SIPA1L1: variants seen among roughly 807,000 people sequenced by gnomAD.
SIPA1L1 encodes signal induced proliferation associated 1 like 1.
Under a neutral mutation model 162.7 loss-of-function variants are expected in SIPA1L1, and 26 were observed. That is an observed-to-expected ratio of 0.16 (90% CI 0.12 to 0.22). The LOEUF is 0.22. Among genes scored for constraint, SIPA1L1 ranks in the 10% least tolerant of loss-of-function variants. The probability of loss-of-function intolerance (pLI) is 1.00; values close to 1 mark genes in which losing one functional copy is unlikely to be tolerated. For synonymous variants in SIPA1L1, 829 were observed against 837.4 expected, an observed-to-expected ratio of 0.99 and a Z score of 0.17; for missense variants, 1,874 against 2,241.0, an observed-to-expected ratio of 0.84 and a Z score of 3.31.
At chr14:71,463,857 C>T (rs2046788123) in intron 2 of SIPA1L1, among the ~76,000 whole-genome samples, 1 of 152,220 alleles carries the variant, frequency 6.6e-6, no homozygotes, top group African/African-American at 2.4e-5. Flanking sequence ...TGCCAGAGCT[C>T]TACAGGAGTC....
intron 2 of SIPA1L1, among the ~76,000 whole-genome samples, chr14:71,488,158 G>A (rs1053989393): frequency 2.6e-5 from 4 of 152,216 alleles, no homozygotes; most frequent in Non-Finnish European, 2.9e-5. Context: ...TAGGCGTGGT[G>A]GAGGGGGCCA....
intron 4 of SIPA1L1, among the ~76,000 whole-genome samples, chr14:71,547,736 C>G (rs2055374872): frequency 6.6e-6 from 1 of 152,186 alleles, no homozygotes; most frequent in Non-Finnish European, 1.5e-5. Flanking sequence ...TGCTACTGTA[C>G]CCAGAGCAGA....
At chr14:71,586,203 C>T (rs1160901064) in intron 4 of SIPA1L1, 1 of 152,062 alleles carries the variant, frequency 6.6e-6, no homozygotes, top group Non-Finnish European at 1.5e-5. Context: ...TCGCCTCACC[C>T]TGCATTCTGC....
intron 5 of SIPA1L1, among the ~76,000 whole-genome samples, chr14:71,604,001 A>AAT (rs2037170143): frequency 1.4e-5 from 2 of 140,352 alleles, no homozygotes; most frequent in African/African-American, 5.2e-5. Flanking sequence ...ATATATATAA[A>AAT]TTTTTTTTTT....
intron 2 of SIPA1L1, among the ~76,000 whole-genome samples, chr14:71,390,539 G>C (rs1371881208): frequency 5.9e-5 from 9 of 152,112 alleles, no homozygotes; most frequent in Non-Finnish European, 1.2e-4. Context: ...ACTTTGGGAG[G>C]CCAAGGGAGG....
chr14:71,531,537 CT>C (rs930932193), intron 4 of SIPA1L1, among the ~76,000 whole-genome samples: 3 of 151,578 alleles, frequency 2.0e-5, no homozygotes, highest in Non-Finnish European at 2.9e-5. Context: ...TGAAATGTAT[CT>C]TTTTTTTGTT....
At chr14:71,562,643 G>A (rs2056888433) in intron 4 of SIPA1L1, among the ~76,000 whole-genome samples, 1 of 152,108 alleles carries the variant, frequency 6.6e-6, no homozygotes, top group Non-Finnish European at 1.5e-5. Context: ...TTTATTTCAT[G>A]TTTTGTTATT....
intron 4 of SIPA1L1, among the ~76,000 whole-genome samples, chr14:71,533,858 A>G (rs551252539): frequency 9.2e-5 from 14 of 152,286 alleles, no homozygotes; most frequent in Admixed American, 6.5e-4. Flanking sequence ...AAAATTCCTC[A>G]TTAGGTGGGT....
intron 2 of SIPA1L1, among the ~76,000 whole-genome samples, chr14:71,446,894 G>GGTTTTTTTTTT (rs2045394010): frequency 2.3e-5 from 2 of 87,406 alleles, no homozygotes; most frequent in Admixed American, 1.6e-4. Flanking sequence ...GATGGGCTCT[G>GGTTTTTTTTTT]TTTTTTTTTT....
At chr14:71,516,779 C>G (rs969190530) in intron 3 of SIPA1L1, among the ~76,000 whole-genome samples, 1 of 151,758 alleles carries the variant, frequency 6.6e-6, no homozygotes, top group East Asian at 1.9e-4. Context: ...TTGAGACCAG[C>G]CTGGCCAACA....
At chr14:71,496,628 G>T (rs921991434) in intron 2 of SIPA1L1, among the ~76,000 whole-genome samples, 2 of 152,162 alleles carry the variant, frequency 1.3e-5, no homozygotes, top group African/African-American at 4.8e-5. Flanking sequence ...TAATTATACT[G>T]TCTAGTGTTT....
At chr14:71,639,898 GTTTTTTT>G (rs2041534105) in intron 7 of SIPA1L1, among the ~76,000 whole-genome samples, 2 of 92,438 alleles carry the variant, frequency 2.2e-5, no homozygotes, top group Non-Finnish European at 3.1e-5. Flanking sequence ...GACTTTTTGG[GTTTTTTT>G]GTTTTTTTGT....
intron 2 of SIPA1L1, among the ~76,000 whole-genome samples, chr14:71,495,031 C>G (rs780927646): frequency 1.3e-5 from 2 of 152,198 alleles, no homozygotes; most frequent in Non-Finnish European, 2.9e-5. Flanking sequence ...TGCACCCAGA[C>G]AGAGGATTTT....
At chr14:71,718,681 G>A (rs1202840739) in intron 17 of SIPA1L1, among the ~76,000 whole-genome samples, 3 of 152,080 alleles carry the variant, frequency 2.0e-5, no homozygotes, top group Admixed American at 2.0e-4. Context: ...GAAAATAATA[G>A]CCTTATTTTG....
intron 7 of SIPA1L1, among the ~76,000 whole-genome samples, chr14:71,644,760 C>T (rs145279603): frequency 6.6e-6 from 1 of 152,238 alleles, no homozygotes; most frequent in Non-Finnish European, 1.5e-5. Context: ...AGCTTAAATT[C>T]TATTATGTCA....
chr14:71,733,086 C>A (rs1051448391), intron 20 of SIPA1L1, among the ~76,000 whole-genome samples: 1 of 152,190 alleles, frequency 6.6e-6, no homozygotes, highest in Non-Finnish European at 1.5e-5. Flanking sequence ...TGGCACATAC[C>A]TTTAGTCCTA....
chr14:71,699,427 T>C (rs1016175708), intron 14 of SIPA1L1, among the ~76,000 whole-genome samples: 1 of 152,226 alleles, frequency 6.6e-6, no homozygotes, highest in East Asian at 1.9e-4. Context: ...TGTCACTTCT[T>C]ATTTACTCCA....
intron 4 of SIPA1L1, among the ~76,000 whole-genome samples, chr14:71,535,548 A>G (rs2053819514): frequency 6.6e-6 from 1 of 152,118 alleles, no homozygotes; most frequent in Non-Finnish European, 1.5e-5. Flanking sequence ...AGTCACCAGA[A>G]GCTGCATGTG....
chr14:71,332,740 T>G (rs2140302665), intron 2 of SIPA1L1, among the ~76,000 whole-genome samples: 1 of 152,282 alleles, frequency 6.6e-6, no homozygotes, highest in East Asian at 1.9e-4. Flanking sequence ...TGCATCTTCA[T>G]TCATTCATTC....
Sources: gnomAD v4.1 joint callset for allele counts (sites outside exome capture counted in the v4.1 genomes callset) on GRCh38, gnomAD v4.1.1 for gene constraint, MANE v1.5 for transcripts, NCBI Gene and HGNC (gene_info 2026-07-23, HGNC 2026-07-21) for gene names.